Variants in SNAP47 observed in about 807,000 individuals in gnomAD.
The protein encoded by SNAP47 is synaptosome associated protein 47.
In SNAP47, 20 loss-of-function variants were observed where a neutral mutation model predicts 31.4. The observed-to-expected ratio is 0.64, with a 90% confidence interval of 0.45 to 0.93. The LOEUF (loss-of-function observed/expected upper bound fraction) is 0.93. Ranked by LOEUF, SNAP47 falls within the 40% of genes least tolerant of loss-of-function variation. SNAP47 has a pLI of 0.00. For synonymous variants in SNAP47, 194 were observed against 213.4 expected (o/e 0.91, Z 0.79); for missense variants, 492 against 528.5 (o/e 0.93, Z 0.68).
chr1:227,732,133 A>G, upstream of SNAP47: 1 of 566,932 alleles, frequency 1.8e-6, no homozygotes, highest in East Asian at 3.0e-5. Flanking sequence ...GGGCCCCCAA[A>G]AGAGCCAGGT....
intron 4 of SNAP47, 140 bp from the exon 5 acceptor site, chr1:227,780,387 G>T: frequency 1.6e-6 from 2 of 1,242,392 alleles, no homozygotes; most frequent in Non-Finnish European, 1.1e-6. Flanking sequence ...CTGGGCTGCC[G>T]GCTCCCTCCT....
chr1:227,757,506 T>C (rs1662770839), intron 2 of SNAP47, among the ~76,000 whole-genome samples: 1 of 152,218 alleles, frequency 6.6e-6, no homozygotes, highest in Non-Finnish European at 1.5e-5. Context: ...TTTGTTTTAA[T>C]TTGGATAATG....
intron 1 of SNAP47, among the ~76,000 whole-genome samples, chr1:227,738,458 A>T (rs928343877): frequency 1.3e-5 from 2 of 152,082 alleles, no homozygotes; most frequent in African/African-American, 4.8e-5. Flanking sequence ...GTCCTTGCCT[A>T]TACGTTCACG....
rs116285059 is a variant in SNAP47, at chr1:227,764,463, G to A, written c.989-2496G>A. 4.6e-3 allele frequency among the ~76,000 whole-genome samples: 698 copies of A among 152,344 alleles called. 3 individuals are homozygous for A. Among genetic ancestry groups the A allele is most frequent in the Non-Finnish European group, 6.2e-3 (419 of 68,040 alleles). On this transcript the variant is annotated intron_variant, in intron 3 of 4. Transcript: ENST00000617596. ...ATGTCGTAGGTAGGGAGGCCCAGGG[G>A]CTCTGCCCTGAAGAGCCTGTGTCGG... is the stretch of plus-strand genomic sequence containing the variant.
intron 2 of SNAP47, among the ~76,000 whole-genome samples, chr1:227,753,498 CA>C (rs1662506715): frequency 2.0e-5 from 3 of 152,180 alleles, no homozygotes; most frequent in Admixed American, 2.0e-4. Context: ...GGGGCCATGG[CA>C]TGGGATCCAC....
At chr1:227,764,018 T>C (rs1363655253) in intron 3 of SNAP47, among the ~76,000 whole-genome samples, 1 of 152,204 alleles carries the variant, frequency 6.6e-6, no homozygotes, top group Admixed American at 6.5e-5. Context: ...GGGCTCTTCC[T>C]GGGCTGGCTT....
At chr1:227,732,081 C>T (rs1660685946), upstream of SNAP47, 2 of 472,230 alleles carry the variant, frequency 4.2e-6, no homozygotes, top group Admixed American at 3.4e-5. Context: ...GCACACCAGA[C>T]ACAGACTCCT....
intron 2 of SNAP47, among the ~76,000 whole-genome samples, chr1:227,751,303 C>G (rs1434400152): frequency 6.6e-6 from 1 of 152,192 alleles, no homozygotes; most frequent in Non-Finnish European, 1.5e-5. Flanking sequence ...CTGCGCCAGC[C>G]CCACCACCTG....
At chr1:227,733,213 T>A, upstream of SNAP47, 1 of 854,538 alleles carries the variant, frequency 1.2e-6, no homozygotes, top group Non-Finnish European at 1.8e-6. Flanking sequence ...CAGGCCACAG[T>A]GAACCCAGAG....
intron 4 of SNAP47, chr1:227,776,115 C>G (rs941102157): frequency 3.3e-5 from 38 of 1,167,634 alleles, no homozygotes; most frequent in Non-Finnish European, 4.0e-5. Flanking sequence ...CAGGGCTGCT[C>G]CCCTTCCTGG....
At chr1:227,770,421 C>T (rs1210277142) in intron 4 of SNAP47, 1 of 152,854 alleles carries the variant, frequency 6.5e-6, no homozygotes, top group Non-Finnish European at 1.5e-5. Flanking sequence ...TGGCAGAAAC[C>T]CTCTGCCCAC....
chr1:227,742,210 G>A (rs1384250120), intron 1 of SNAP47, among the ~76,000 whole-genome samples: 1 of 151,982 alleles, frequency 6.6e-6, no homozygotes, highest in African/African-American at 2.4e-5. Flanking sequence ...TCCCCAGAGT[G>A]TGATGTTCTC....
intron 4 of SNAP47, chr1:227,768,456 A>G: frequency 2.8e-6 from 1 of 352,698 alleles, no homozygotes; most frequent in Non-Finnish European, 4.0e-6. Flanking sequence ...GTGGATAAAG[A>G]CACTCTGTCT....
At chr1:227,777,030 A>C in intron 4 of SNAP47, 1 of 985,448 alleles carries the variant, frequency 1.0e-6, no homozygotes, top group Non-Finnish European at 1.2e-6. Context: ...TAATAGGCAA[A>C]ACCCTAAACT....
chr1:227,735,458 A>G lies in SNAP47; in HGVS notation c.-87A>G, dbSNP rs775918225. ...TCACTGCGCAGGCGCCGAGCGGCCG[A>G]GGCGCCGCGGTCGGCTCTGGGACTC... On this transcript the variant is annotated 5_prime_UTR_variant, in exon 1 of 5. Coordinates refer to ENST00000617596, the MANE Select transcript of SNAP47 (RefSeq NM_053052.4). 2.1e-6 allele frequency: 3 copies of G among 1,439,840 alleles called. No homozygotes were observed. The highest frequency in any genetic ancestry group is 1.5e-5 in the African/African-American group (1 of 67,132). The allele number at this position is 1,439,840 out of a possible 1,614,324, so 89.2% of individuals were successfully genotyped here.
rs536710798 is a variant in SNAP47 at position 227,761,862 on chromosome 1, C to T, written c.988+2377C>T. On this transcript the variant is annotated intron_variant, in intron 3 of 4. Transcript: ENST00000617596. ...TGGCTGCACCGTGGTGGCGAGCACT[C>T]CTGTGTTCCGCAGGCTGGTGTTTGT... 5.9e-4 allele frequency among the ~76,000 whole-genome samples: 90 copies of T among 152,288 alleles called. 4 individuals are homozygous for T. Among genetic ancestry groups the T allele is most frequent in the Admixed American group, 2.8e-3 (43 of 15,302 alleles).
At chr1:227,765,235 G>T (rs1663316955) in intron 3 of SNAP47, among the ~76,000 whole-genome samples, 1 of 152,198 alleles carries the variant, frequency 6.6e-6, no homozygotes, top group Non-Finnish European at 1.5e-5. Flanking sequence ...AGAGCCTTGG[G>T]CAGGGCGGGG....
intron 2 of SNAP47, among the ~76,000 whole-genome samples, chr1:227,758,009 T>C (rs1455558167): frequency 6.6e-6 from 1 of 152,168 alleles, no homozygotes; most frequent in African/African-American, 2.4e-5. Flanking sequence ...AAGAAACAAA[T>C]GAGCTCAGGG....
chr1:227,769,121 G>A (rs1290000618), intron 4 of SNAP47, among the ~76,000 whole-genome samples: 3 of 152,196 alleles, frequency 2.0e-5, no homozygotes, highest in Non-Finnish European at 4.4e-5. Context: ...CTGAGGGTGA[G>A]TGGGGCTCCC....
Sources: gnomAD v4.1 joint callset for allele counts (sites outside exome capture counted in the v4.1 genomes callset) on GRCh38, gnomAD v4.1.1 for gene constraint, MANE v1.5 for transcripts, NCBI Gene and HGNC (gene_info 2026-07-23, HGNC 2026-07-21) for gene names.